Variants in ZC3H12B observed in about 807,000 individuals in gnomAD.
The protein encoded by ZC3H12B is probable ribonuclease ZC3H12B.
In ZC3H12B, 7 loss-of-function variants were observed where a neutral mutation model predicts 43.9. That is an observed-to-expected ratio of 0.16 (90% confidence interval 0.09 to 0.30). The LOEUF (loss-of-function observed/expected upper bound fraction) is 0.30. Among genes scored for constraint, ZC3H12B ranks in the 10% least tolerant of loss-of-function variants. ZC3H12B has a pLI of 1.00. For missense variants in ZC3H12B, 475 were observed against 670.2 expected (o/e 0.71, Z 3.22); for synonymous variants, 222 against 241.7 (o/e 0.92, Z 0.76).
chrX:65,463,634 A>G (rs960435363), intron 3 of ZC3H12B, among the ~76,000 whole-genome samples: 1 of 110,810 alleles, frequency 9.0e-6, no homozygotes. Context: ...GACTGTTGGC[A>G]TTCCTAAGCT....
chrX:65,165,513 A>T, the ZC3H12B span, among the ~76,000 whole-genome samples: 6 of 111,811 alleles, frequency 5.4e-5, no homozygotes, highest in Admixed American at 3.8e-4. Context: ...CCCAATTTTG[A>T]GTGAGAATAT....
the ZC3H12B span, chrX:65,330,945 T>G: frequency 3.2e-6 from 1 of 308,749 alleles, no homozygotes; most frequent in Non-Finnish European, 6.4e-6. Context: ...ACACACAAGA[T>G]GTCTTCTTTC....
the ZC3H12B span, among the ~76,000 whole-genome samples, chrX:65,311,410 T>C: frequency 8.9e-6 from 1 of 112,333 alleles, no homozygotes; most frequent in Non-Finnish European, 1.9e-5. Context: ...TTATCACTGG[T>C]CATCAGAGAA....
the ZC3H12B span, among the ~76,000 whole-genome samples, chrX:65,309,367 C>T: frequency 1.8e-5 from 2 of 112,054 alleles, no homozygotes; most frequent in Middle Eastern, 4.2e-3. Context: ...ATTATAAACA[C>T]ATCTACGCAA....
the ZC3H12B span, among the ~76,000 whole-genome samples, chrX:65,289,616 A>G: frequency 1.8e-5 from 2 of 110,057 alleles, no homozygotes; most frequent in Non-Finnish European, 3.8e-5. Context: ...ATAGTAACCA[A>G]AACAGCATGG....
chrX:65,212,940 G>A, the ZC3H12B span, among the ~76,000 whole-genome samples: 1 of 106,626 alleles, frequency 9.4e-6, no homozygotes, highest in Non-Finnish European at 1.9e-5. Flanking sequence ...ATTATTCTTA[G>A]TTCATGGCAC....
chrX:65,056,128 C>T, the ZC3H12B span, among the ~76,000 whole-genome samples: 3 of 111,891 alleles, frequency 2.7e-5, no homozygotes, highest in Admixed American at 9.5e-5. Flanking sequence ...TTGCCTTCTG[C>T]TAGCTTTTGA....
At chrX:65,151,962 C>G in the ZC3H12B span, among the ~76,000 whole-genome samples, 1 of 111,824 alleles carries the variant, frequency 8.9e-6, no homozygotes, top group Non-Finnish European at 1.9e-5. Flanking sequence ...AGCATATAAA[C>G]AGAACCAATG....
the ZC3H12B span, among the ~76,000 whole-genome samples, chrX:65,266,042 G>T: frequency 3.6e-5 from 4 of 111,550 alleles, no homozygotes; most frequent in African/African-American, 6.5e-5. Context: ...GGCTGAAATG[G>T]CTGGGAATTT....
At chrX:65,439,878 G>A (rs2067278954) in intron 3 of ZC3H12B, among the ~76,000 whole-genome samples, 1 of 109,651 alleles carries the variant, frequency 9.1e-6, no homozygotes, top group Admixed American at 9.7e-5. Flanking sequence ...CTGCAACTGG[G>A]GATCCTTCCG....
the ZC3H12B span, among the ~76,000 whole-genome samples, chrX:65,247,394 C>A: frequency 8.9e-6 from 1 of 111,900 alleles, no homozygotes; most frequent in Admixed American, 9.5e-5. Flanking sequence ...TGGGTATATA[C>A]CCAAAGGAAT....
the ZC3H12B span, among the ~76,000 whole-genome samples, chrX:65,352,994 C>A: frequency 4.6e-5 from 5 of 109,814 alleles, no homozygotes; most frequent in Non-Finnish European, 9.5e-5. Flanking sequence ...ACTACAGGTG[C>A]GCGCCTCCAC....
chrX:65,285,109 A>ATT, the ZC3H12B span, among the ~76,000 whole-genome samples: 5 of 108,678 alleles, frequency 4.6e-5, no homozygotes, highest in African/African-American at 1.7e-4. Flanking sequence ...GCAAGAGAAT[A>ATT]ATTATTATTA....
chrX:65,140,563 ATTCTT>A, the ZC3H12B span, among the ~76,000 whole-genome samples: 1 of 111,041 alleles, frequency 9.0e-6, no homozygotes, highest in South Asian at 3.7e-4. Flanking sequence ...TTTCTTTTCT[ATTCTT>A]TTCTTCTGTC....
chrX:65,047,426 A>ATG, the ZC3H12B span, among the ~76,000 whole-genome samples: 221 of 109,907 alleles, frequency 2.0e-3, 1 homozygote, highest in African/African-American at 6.4e-3. Context: ...CACTCTGTGT[A>ATG]TGTGTGTGTG....
At chrX:65,359,300 G>C in the ZC3H12B span, among the ~76,000 whole-genome samples, 2 of 111,963 alleles carry the variant, frequency 1.8e-5, 1 homozygote, top group Admixed American at 1.9e-4. Context: ...AGATCAAGGA[G>C]TAATATTGAT....
the ZC3H12B span, among the ~76,000 whole-genome samples, chrX:65,048,958 G>A: frequency 9.0e-6 from 1 of 111,108 alleles, no homozygotes; most frequent in African/African-American, 3.3e-5. Context: ...ATACTTCTTA[G>A]CCATTTGCAT....
At chrX:65,328,912 T>C in the ZC3H12B span, among the ~76,000 whole-genome samples, 4 of 110,219 alleles carry the variant, frequency 3.6e-5, no homozygotes, top group Admixed American at 2.9e-4. Context: ...TATTCCATGG[T>C]GTATATGTGC....
the ZC3H12B span, among the ~76,000 whole-genome samples, chrX:65,227,025 A>G: frequency 1.3e-4 from 15 of 111,309 alleles, no homozygotes; most frequent in Admixed American, 2.9e-4. Flanking sequence ...CTCTGCACCA[A>G]GCGGACCTAA....
Sources: allele counts gnomAD v4.1 joint callset (sites outside exome capture counted in the v4.1 genomes callset), GRCh38; gene constraint gnomAD v4.1.1; transcripts MANE v1.5; gene names NCBI Gene and HGNC (gene_info 2026-07-23, HGNC 2026-07-21).